Variants in UBXN2A observed in about 807,000 individuals in gnomAD.
UBXN2A encodes UBX domain-containing protein 2A.
A neutral mutation model predicts 28.4 loss-of-function variants in UBXN2A; 28 were observed. That is an observed-to-expected ratio of 0.99 (90% confidence interval 0.73 to 1.35). The LOEUF is 1.35. Ranked by LOEUF, UBXN2A falls within the 40% of genes most tolerant of loss-of-function variation. UBXN2A has a pLI of 0.00. For synonymous variants in UBXN2A, 97 were observed against 103.6 expected, an observed-to-expected ratio of 0.94 and a Z score of 0.39; for missense variants, 253 against 297.9, an observed-to-expected ratio of 0.85 and a Z score of 1.11.
intron 2 of UBXN2A, among the ~76,000 whole-genome samples, chr2:23,965,774 A>T (rs960904763): frequency 6.6e-6 from 1 of 152,204 alleles, no homozygotes; most frequent in African/African-American, 2.4e-5. Context: ...GGAAGAGATT[A>T]TAGAGAATTG....
At chr2:23,968,104 C>T (rs1157087465) in intron 2 of UBXN2A, among the ~76,000 whole-genome samples, 1 of 152,126 alleles carries the variant, frequency 6.6e-6, no homozygotes, top group Non-Finnish European at 1.5e-5. Flanking sequence ...TCAGTGATAG[C>T]TATTCTCCAT....
At chr2:23,945,786 TAATTTAA>T (rs1320919727) in intron 1 of UBXN2A, among the ~76,000 whole-genome samples, 3 of 152,146 alleles carry the variant, frequency 2.0e-5, no homozygotes, top group African/African-American at 7.2e-5. Context: ...GTGCAATTTT[TAATTTAA>T]TTTTTAATTA....
At chr2:23,981,276 GGCCAACATA>G (rs1355732963) in intron 4 of UBXN2A, among the ~76,000 whole-genome samples, 1 of 144,182 alleles carries the variant, frequency 6.9e-6, no homozygotes, top group East Asian at 2.0e-4. Flanking sequence ...AAACCAGTCC[GGCCAACATA>G]GCGAGAACCT....
chr2:23,927,617 TAAG>T (rs1705094896), intron 1 of UBXN2A: 1 of 120,194 alleles, frequency 8.3e-6, no homozygotes, highest in Non-Finnish European at 1.7e-5. Flanking sequence ...TGGAACTTGG[TAAG>T]CTTAAGAAGA....
At chr2:23,981,476 TAAAAAAAA>T (rs55665209) in intron 4 of UBXN2A, among the ~76,000 whole-genome samples, 16 of 28,918 alleles carry the variant, frequency 5.5e-4, no homozygotes, top group South Asian at 2.6e-3. Context: ...AGCTCCTATC[TAAAAAAAA>T]AAAAAAAAAA....
intron 2 of UBXN2A, among the ~76,000 whole-genome samples, chr2:23,963,075 GACTT>G (rs779027597): frequency 6.6e-6 from 1 of 152,284 alleles, no homozygotes; most frequent in East Asian, 1.9e-4. Context: ...CGTCTCGTGA[GACTT>G]ATTTATTATC....
intron 3 of UBXN2A, among the ~76,000 whole-genome samples, chr2:23,975,580 T>C (rs1447122954): frequency 6.6e-6 from 1 of 152,136 alleles, no homozygotes; most frequent in African/African-American, 2.4e-5. Context: ...AAGGCTTATG[T>C]TGAAAAAAGG....
At chr2:23,935,754 A>G (rs1323035015), upstream of UBXN2A, among the ~76,000 whole-genome samples, 1 of 152,206 alleles carries the variant, frequency 6.6e-6, no homozygotes, top group South Asian at 2.1e-4. Flanking sequence ...GTATATACTC[A>G]AAAAAATTGA....
rs758403720 is a variant in UBXN2A, at chr2:23,999,680, A to G, written c.593A>G (p.His198Arg). The G allele has an allele frequency of 1.1e-5, 18 of 1,613,200 alleles. No homozygotes were observed. The East Asian group carries it at 3.3e-4, about 30-fold the overall frequency. Reference sequence around the variant, plus strand: ...TTTTTGCTGTTTTACAGAGTAAGCCATATCAAAGACTTCATTGAAAAATAC... The same window carrying G: ...TTTTTGCTGTTTTACAGAGTAAGCCGTATCAAAGACTTCATTGAAAAATAC... ...QKFNITHRVSHIKDFIEKYQG... is the reference protein window; with the variant it reads ...QKFNITHRVSRIKDFIEKYQG... The change falls in exon 7 of 7, where the codon CAT becomes CGT. Residue 198 changes from histidine (H) to arginine (R), a missense_variant. Transcript: ENST00000309033.
At chr2:23,966,642 G>A (rs553905577) in intron 2 of UBXN2A, among the ~76,000 whole-genome samples, 218 of 147,216 alleles carry the variant, frequency 1.5e-3, no homozygotes, top group African/African-American at 4.6e-3. Flanking sequence ...TAGTAGAGAC[G>A]GGGTTTCACC....
intron 2 of UBXN2A, among the ~76,000 whole-genome samples, chr2:23,967,994 C>T (rs897730504): frequency 3.3e-5 from 5 of 151,574 alleles, no homozygotes; most frequent in African/African-American, 4.9e-5. Flanking sequence ...TAGTTAGTCA[C>T]GGCATTCTAG....
At chr2:23,991,218 A>G (rs974298921) in intron 6 of UBXN2A, among the ~76,000 whole-genome samples, 5 of 152,088 alleles carry the variant, frequency 3.3e-5, no homozygotes, top group Admixed American at 6.6e-5. Context: ...ACTTCTGTCA[A>G]TGTTTGCTTT....
At chr2:23,930,071 G>A (rs1705323171) in intron 1 of UBXN2A, among the ~76,000 whole-genome samples, 1 of 152,074 alleles carries the variant, frequency 6.6e-6, no homozygotes, top group South Asian at 2.1e-4. Flanking sequence ...TGTAGTTTTA[G>A]TAGAGACGAG....
chr2:23,996,498 T>TA (rs1708538036), intron 6 of UBXN2A, among the ~76,000 whole-genome samples: 2 of 150,032 alleles, frequency 1.3e-5, no homozygotes, highest in East Asian at 2.0e-4. Flanking sequence ...TTTTTTAAGA[T>TA]AGAGTTTCGC....
chr2:23,995,724 A>G (rs1708505488), intron 6 of UBXN2A, among the ~76,000 whole-genome samples: 1 of 151,832 alleles, frequency 6.6e-6, no homozygotes, highest in Non-Finnish European at 1.5e-5. Context: ...AAAAAAAGAA[A>G]ATGCATTTAA....
At chr2:23,962,792 G>A (rs1186867265) in intron 2 of UBXN2A, among the ~76,000 whole-genome samples, 1 of 151,934 alleles carries the variant, frequency 6.6e-6, no homozygotes, top group East Asian at 1.9e-4. Flanking sequence ...TTTTAGTAGA[G>A]ACAGGGTTTC....
At chr2:23,955,378 T>G (rs574373968) in intron 1 of UBXN2A, among the ~76,000 whole-genome samples, 30 of 152,332 alleles carry the variant, frequency 2.0e-4, no homozygotes, top group African/African-American at 7.0e-4. Flanking sequence ...AGGGGACAGG[T>G]GCCTGGACCT....
chr2:23,986,167 G>A (rs904800254), intron 6 of UBXN2A, among the ~76,000 whole-genome samples: 3 of 151,884 alleles, frequency 2.0e-5, no homozygotes, highest in Non-Finnish European at 4.4e-5. Context: ...AAAATTAGCC[G>A]GGCGTGGTGG....
chr2:23,967,800 A>C (rs1370053013), intron 2 of UBXN2A, among the ~76,000 whole-genome samples: 1 of 152,202 alleles, frequency 6.6e-6, no homozygotes, highest in Non-Finnish European at 1.5e-5. Context: ...GAAAAGGCAT[A>C]ATACTTTGTG....
Sources: gnomAD v4.1 joint callset for allele counts (sites outside exome capture counted in the v4.1 genomes callset) on GRCh38, gnomAD v4.1.1 for gene constraint, MANE v1.5 for transcripts, NCBI Gene and HGNC (gene_info 2026-07-23, HGNC 2026-07-21) for gene names.